The following UNC13C variants were observed in gnomAD, a reference collection of about 807,000 sequenced individuals.
The protein encoded by UNC13C is unc-13 homolog C.
Under a neutral mutation model 245.4 loss-of-function variants are expected in UNC13C, and 174 were observed. The ratio of observed to expected loss-of-function variants is 0.71; its 90% CI spans 0.63 to 0.80. The LOEUF is 0.80. Ranked by LOEUF, UNC13C falls within the 30% of genes least tolerant of loss-of-function variation. The pLI is 0.00. For missense variants in UNC13C, 2,829 were observed against 2,602.9 expected (o/e 1.09, Z -1.89); for synonymous variants, 992 against 895.1 (o/e 1.11, Z -1.93).
Position 54,015,650 on chromosome 15 carries a change from C to A in UNC13C, c.2747C>A (p.Thr916Asn), listed in dbSNP as rs1180567911. ...DHLSYETPYE[T>N]PQDEGYDGPA... ...CTTTCATATGAAACACCTTATGAAA[C>A]CCCACAAGATGAGGGTTATGATGGT... Residue 916 changes from threonine (T) to asparagine (N), a missense_variant, in exon 2 of 33, where the codon ACC (threonine) becomes AAC (asparagine). By Grantham distance (65) the Thr-to-Asn change is moderately conservative (BLOSUM62 0). Transcript: ENST00000260323. 11 of 1,613,506 alleles carry A rather than the reference C, an allele frequency of 6.8e-6. No individual in the cohort carries two copies. Among genetic ancestry groups the A allele is most frequent in the East Asian group, 2.2e-5 (1 of 44,854 alleles).
At chr15:54,552,519 TTA>T (rs1208213418) in intron 28 of UNC13C, among the ~76,000 whole-genome samples, 1 of 38,822 alleles carries the variant, frequency 2.6e-5, no homozygotes, top group Non-Finnish European at 4.1e-5. Flanking sequence ...ATATTATATA[TTA>T]TATATAATAA....
the UNC13C span, among the ~76,000 whole-genome samples, chr15:53,914,902 T>C: frequency 1.0e-3 from 155 of 152,296 alleles, 1 homozygote; most frequent in African/African-American, 3.6e-3. Context: ...TGTATACATA[T>C]ATATTATGTA....
intron 10 of UNC13C, among the ~76,000 whole-genome samples, chr15:54,288,268 A>G (rs1306769702): frequency 6.6e-6 from 1 of 152,128 alleles, no homozygotes; most frequent in Non-Finnish European, 1.5e-5. Flanking sequence ...AATTTCGTTT[A>G]TCAGTTTCCC....
chr15:54,606,390 A>G (rs1355686130), intron 30 of UNC13C, among the ~76,000 whole-genome samples: 1 of 152,214 alleles, frequency 6.6e-6, no homozygotes, highest in Non-Finnish European at 1.5e-5. Flanking sequence ...TCCATATTTA[A>G]TCAGTAGATA....
At chr15:54,103,146 C>T (rs1264645819) in intron 2 of UNC13C, among the ~76,000 whole-genome samples, 1 of 152,186 alleles carries the variant, frequency 6.6e-6, no homozygotes, top group Non-Finnish European at 1.5e-5. Context: ...CGATCACAGA[C>T]TTGTGGTCCA....
chr15:53,866,199 A>T, the UNC13C span, among the ~76,000 whole-genome samples: 1 of 152,184 alleles, frequency 6.6e-6, no homozygotes, highest in Non-Finnish European at 1.5e-5. Flanking sequence ...AATGCTTAGA[A>T]ATATGTGGCA....
chr15:53,899,123 T>A, the UNC13C span, among the ~76,000 whole-genome samples: 60,851 of 152,038 alleles, frequency 0.4, 12,628 homozygotes, highest in South Asian at 0.57. Flanking sequence ...CTCTGATTAT[T>A]TTAACACCAT....
rs759967219 is a variant in UNC13C, at chr15:54,579,995, G to T, written c.6106+12048G>T. Among the ~76,000 whole-genome samples, 4 of 152,134 alleles carry T rather than the reference G, an allele frequency of 2.6e-5. No homozygotes were observed. The South Asian group carries it at 6.2e-4, about 24-fold the overall frequency. On this transcript the variant is annotated intron_variant, in intron 30 of 32. Coordinates refer to ENST00000260323, the MANE Select transcript of UNC13C (RefSeq NM_001080534.3). ...TGCTGTTTGTTTTGTTTTAGGTCTG[G>T]TTAGAAAGTAAAACAGAGGTTAGAA...
At chr15:54,104,473 C>T (rs1339478924) in intron 2 of UNC13C, among the ~76,000 whole-genome samples, 1 of 151,934 alleles carries the variant, frequency 6.6e-6, no homozygotes, top group Non-Finnish European at 1.5e-5. Context: ...TCATGACTGA[C>T]CTCTAATATT....
At chr15:53,962,622 G>A in the UNC13C span, among the ~76,000 whole-genome samples, 8 of 152,248 alleles carry the variant, frequency 5.3e-5, 1 homozygote, top group East Asian at 1.5e-3. Context: ...TCTCAAGAAA[G>A]AGACAAACTT....
chr15:54,526,785 G>A (rs1895487878), intron 25 of UNC13C, among the ~76,000 whole-genome samples: 1 of 151,260 alleles, frequency 6.6e-6, no homozygotes, highest in Non-Finnish European at 1.5e-5. Flanking sequence ...TTCAGGTAGG[G>A]ACTATCTCTG....
At chr15:54,084,123 T>C (rs1398543611) in intron 2 of UNC13C, among the ~76,000 whole-genome samples, 1 of 152,214 alleles carries the variant, frequency 6.6e-6, no homozygotes, top group Non-Finnish European at 1.5e-5. Flanking sequence ...CTGGGGTCGG[T>C]CTCAGCCAGA....
Position 54,384,218 on chromosome 15 carries a change from A to C in UNC13C, c.4714-8830A>C, listed in dbSNP as rs7176611. Among the ~76,000 whole-genome samples, 476 of 152,278 alleles carry C rather than the reference A, an allele frequency of 3.1e-3. 5 individuals are homozygous for C. The highest frequency in any genetic ancestry group is 0.011 in the African/African-American group (461 of 41,576). ...ATAGCCAAAGCAACCCTGAGCATAA[A>C]GAACAAACCCGGAGGCATCATGCTA... On this transcript the variant is annotated intron_variant, in intron 17 of 32. Transcript: ENST00000260323.
At chr15:54,209,142 A>G (rs146964013) in intron 4 of UNC13C, among the ~76,000 whole-genome samples, 2 of 152,224 alleles carry the variant, frequency 1.3e-5, no homozygotes, top group East Asian at 1.9e-4. Flanking sequence ...ATGTTCAGCT[A>G]TATGGAGATT....
rs1319533532 is a variant in UNC13C at position 54,320,929 on chromosome 15, T to A, written c.4269-1010T>A. On this transcript the variant is annotated intron_variant, in intron 13 of 32. Transcript: ENST00000260323. ...TTGTAGCTTCCACTACTTCCGAAACTGCTTCCATTATTACCAAATCCATTA... is the reference window on the plus strand; with the variant it reads ...TTGTAGCTTCCACTACTTCCGAAACAGCTTCCATTATTACCAAATCCATTA... The A allele has an allele frequency of 1.1e-5, 4 of 353,236 alleles. No individual in the cohort carries two copies. The East Asian group carries it at 3.0e-4, about 26-fold the overall frequency. The allele number at this position is 353,236 out of a possible 1,614,324, so 21.9% of individuals were successfully genotyped here.
intron 31 of UNC13C, among the ~76,000 whole-genome samples, chr15:54,623,505 A>C (rs576406199): frequency 6.6e-6 from 1 of 152,334 alleles, no homozygotes; most frequent in African/African-American, 2.4e-5. Context: ...CAATACGAAC[A>C]ACACCATGTT....
chr15:54,341,746 G>A (rs2141010311), intron 17 of UNC13C, among the ~76,000 whole-genome samples: 1 of 152,222 alleles, frequency 6.6e-6, no homozygotes, highest in Middle Eastern at 3.4e-3. Context: ...GGAGGCCGAG[G>A]CAGGTAGATC....
chr15:54,000,372 A>G (rs146868815), intron 1 of UNC13C, among the ~76,000 whole-genome samples: 209 of 152,268 alleles, frequency 1.4e-3, no homozygotes, highest in Non-Finnish European at 2.0e-3. Flanking sequence ...TAAGCATTGT[A>G]ACTATTCTTG....
At chr15:54,001,621 T>C (rs1236033725) in intron 1 of UNC13C, among the ~76,000 whole-genome samples, 5 of 152,338 alleles carry the variant, frequency 3.3e-5, no homozygotes, top group African/African-American at 1.2e-4. Context: ...TATTTAATAA[T>C]AATGTTAACA....
Sources: allele counts gnomAD v4.1 joint callset (sites outside exome capture counted in the v4.1 genomes callset), GRCh38; gene constraint gnomAD v4.1.1; transcripts MANE v1.5; gene names NCBI Gene and HGNC (gene_info 2026-07-23, HGNC 2026-07-21).